The following FAM184A variants were observed in gnomAD, a reference collection of about 807,000 sequenced individuals.
FAM184A encodes the protein family with sequence similarity 184 member A.
A neutral mutation model predicts 143.8 loss-of-function variants in FAM184A; 99 were observed. The ratio of observed to expected loss-of-function variants is 0.69; its 90% confidence interval spans 0.58 to 0.81. FAM184A has a LOEUF of 0.81. FAM184A is among the 40% of genes least tolerant of loss of function. The pLI is 0.00. For synonymous variants in FAM184A, 427 were observed against 446.4 expected (o/e 0.96, Z 0.55); for missense variants, 1,217 against 1,310.5 (o/e 0.93, Z 1.10).
chr6:119,034,948 C>T (rs887159151), intron 1 of FAM184A, among the ~76,000 whole-genome samples: 8 of 152,136 alleles, frequency 5.3e-5, no homozygotes, highest in South Asian at 2.1e-4. Context: ...GACAAACCAA[C>T]GTACTCCTGT....
intron 1 of FAM184A, among the ~76,000 whole-genome samples, chr6:119,140,290 G>T (rs1302617086): frequency 6.6e-6 from 1 of 152,100 alleles, no homozygotes; most frequent in Non-Finnish European, 1.5e-5. Flanking sequence ...GCATTTTCTG[G>T]CCACGTGTCT....
intron 1 of FAM184A, among the ~76,000 whole-genome samples, chr6:119,108,628 T>C (rs1171832020): frequency 6.6e-6 from 1 of 152,192 alleles, no homozygotes; most frequent in Non-Finnish European, 1.5e-5. Context: ...ATCCTCTTCA[T>C]GGATTGAAAA....
At chr6:119,041,077 A>G (rs571172215) in intron 1 of FAM184A, among the ~76,000 whole-genome samples, 24 of 152,292 alleles carry the variant, frequency 1.6e-4, no homozygotes, top group Admixed American at 1.5e-3. Context: ...TCAAAGTCAT[A>G]TTCTAGGGGA....
intron 1 of FAM184A, chr6:119,025,532 G>T (rs1364251527): frequency 1.9e-6 from 1 of 518,634 alleles, no homozygotes; most frequent in Non-Finnish European, 3.8e-6. Flanking sequence ...TTGAGTACAG[G>T]TCTTTATTTT....
rs548821591 is a variant in FAM184A at position 119,130,142 on chromosome 6, AT to A, written c.-202+18935del. On this transcript the variant is annotated intron_variant, in intron 1 of 16. Coordinates refer to the FAM184A transcript ENST00000352896. Reference sequence around the variant, plus strand: ...TGTCAATATTTGGAATATGAGTCATATATTTTTCCAGTTGAACAACTTCAAC... The same window carrying A: ...TGTCAATATTTGGAATATGAGTCATAATTTTTCCAGTTGAACAACTTCAAC... Among the ~76,000 whole-genome samples, 689 of 152,306 alleles carry A rather than the reference AT, an allele frequency of 4.5e-3. 6 individuals carry two copies. The highest frequency in any genetic ancestry group is 0.017 in the Middle Eastern group (5 of 294).
intron 1 of FAM184A, among the ~76,000 whole-genome samples, chr6:119,054,512 C>T (rs942921235): frequency 4.6e-5 from 7 of 152,138 alleles, no homozygotes; most frequent in African/African-American, 1.7e-4. Flanking sequence ...TTCATGAGGG[C>T]TCTTTCCTCA....
At chr6:119,129,590 G>C (rs375511446) in intron 1 of FAM184A, among the ~76,000 whole-genome samples, 3 of 152,056 alleles carry the variant, frequency 2.0e-5, no homozygotes, top group African/African-American at 4.8e-5. Context: ...TTAGGCATTG[G>C]AGCTAACAAG....
At chr6:119,096,354 G>GTTAATGCTAA (rs1788507102) in intron 1 of FAM184A, among the ~76,000 whole-genome samples, 2 of 108,186 alleles carry the variant, frequency 1.8e-5, no homozygotes, top group African/African-American at 6.6e-5. Context: ...GAAAGAAAAG[G>GTTAATGCTAA]GGCCGGGCGC....
At chr6:119,027,127 G>C (rs1785662683) in intron 1 of FAM184A, among the ~76,000 whole-genome samples, 1 of 151,980 alleles carries the variant, frequency 6.6e-6, no homozygotes, top group Non-Finnish European at 1.5e-5. Context: ...TGCCAATCAG[G>C]AAATCTCTGA....
At chr6:119,055,145 A>C (rs1055934247) in intron 1 of FAM184A, among the ~76,000 whole-genome samples, 2 of 152,192 alleles carry the variant, frequency 1.3e-5, no homozygotes, top group African/African-American at 4.8e-5. Flanking sequence ...GAAATCATAC[A>C]ATATTTAGCC....
At chr6:118,994,451 C>T (rs1382980843) in intron 9 of FAM184A, among the ~76,000 whole-genome samples, 1 of 151,814 alleles carries the variant, frequency 6.6e-6, no homozygotes, top group East Asian at 1.9e-4. Context: ...CTTTGGGAGG[C>T]TGGGGCAGGT....
chr6:119,141,090 T>C (rs1772217978), intron 1 of FAM184A, among the ~76,000 whole-genome samples: 1 of 152,244 alleles, frequency 6.6e-6, no homozygotes, highest in African/African-American at 2.4e-5. Context: ...TCAAGTCCTT[T>C]TCTAAGATTT....
At chr6:119,115,501 G>A (rs1789032388) in intron 1 of FAM184A, among the ~76,000 whole-genome samples, 1 of 152,036 alleles carries the variant, frequency 6.6e-6, no homozygotes, top group Non-Finnish European at 1.5e-5. Context: ...AGACCACCAT[G>A]GGCAAAATAG....
intron 4 of FAM184A, among the ~76,000 whole-genome samples, chr6:119,018,635 T>C (rs1163131752): frequency 2.0e-5 from 3 of 152,204 alleles, no homozygotes; most frequent in Non-Finnish European, 2.9e-5. Context: ...AAGCAAATTA[T>C]ATACTTTTAA....
At chr6:119,053,683 T>C (rs1421203269) in intron 1 of FAM184A, among the ~76,000 whole-genome samples, 2 of 152,256 alleles carry the variant, frequency 1.3e-5, no homozygotes, top group African/African-American at 4.8e-5. Flanking sequence ...CTCCATCCTA[T>C]GGCCACCCAC....
At chr6:119,117,119 G>A (rs1789081790) in intron 1 of FAM184A, among the ~76,000 whole-genome samples, 1 of 152,212 alleles carries the variant, frequency 6.6e-6, no homozygotes, top group South Asian at 2.1e-4. Flanking sequence ...CGAGTTTGGA[G>A]GCTAGGAGGA....
intron 9 of FAM184A, among the ~76,000 whole-genome samples, chr6:118,991,162 A>T (rs1784365896): frequency 6.6e-6 from 1 of 151,484 alleles, no homozygotes; most frequent in Non-Finnish European, 1.5e-5. Context: ...TTTATTTTTT[A>T]ATTTTTTTTT....
chr6:119,027,604 C>T (rs572020419), intron 1 of FAM184A, among the ~76,000 whole-genome samples: 15 of 152,132 alleles, frequency 9.9e-5, no homozygotes, highest in African/African-American at 2.9e-4. Flanking sequence ...TAGCTAGCCC[C>T]GGAGGTAATT....
chr6:118,982,185 G>A (rs11758672), intron 9 of FAM184A, among the ~76,000 whole-genome samples: 28,326 of 152,160 alleles, frequency 0.19, 3,191 homozygotes, highest in Non-Finnish European at 0.26. Context: ...ATTGAAGACA[G>A]CCTAGAAAGA....
Sources: gnomAD v4.1 joint callset for allele counts (sites outside exome capture counted in the v4.1 genomes callset) on GRCh38, gnomAD v4.1.1 for gene constraint, MANE v1.5 for transcripts, NCBI Gene and HGNC (gene_info 2026-07-23, HGNC 2026-07-21) for gene names.